Variants in IL6ST observed in about 807,000 individuals in gnomAD.
The protein encoded by IL6ST is interleukin 6 cytokine family signal transducer.
IL6ST carries 24 observed loss-of-function variants against 91.3 expected under a neutral mutation model. The observed-to-expected ratio is 0.26, with a 90% CI of 0.19 to 0.37. The LOEUF is 0.37. IL6ST is among the 10% of genes least tolerant of loss of function. IL6ST has a pLI of 1.00. For missense variants in IL6ST, 914 were observed against 1,078.5 expected (o/e 0.85, Z 2.14); for synonymous variants, 351 against 373.6 (o/e 0.94, Z 0.70).
intron 1 of IL6ST, among the ~76,000 whole-genome samples, chr5:55,986,734 A>C (rs532941211): frequency 6.6e-6 from 1 of 151,994 alleles, no homozygotes; most frequent in African/African-American, 2.4e-5. Context: ...TGGTTGCTTT[A>C]GGTTTATAGT....
chr5:55,947,398 C>G, intron 15 of IL6ST, 95 bp downstream of exon 15: 1 of 722,640 alleles, frequency 1.4e-6, no homozygotes, highest in South Asian at 1.6e-5. Context: ...AAAAATTCAT[C>G]AAACTGTACA....
chr5:55,950,232 C>A (rs1433998595), intron 14 of IL6ST: 1 of 475,860 alleles, frequency 2.1e-6, no homozygotes, highest in Non-Finnish European at 4.2e-6. Flanking sequence ...TTTGAATAGG[C>A]AAGTAAGAAA....
At chr5:55,955,395 T>C (rs10471419) in intron 10 of IL6ST, among the ~76,000 whole-genome samples, 37,058 of 152,072 alleles carry the variant, frequency 0.24, 7,062 homozygotes, top group African/African-American at 0.53. Context: ...AGGCAGAGGC[T>C]GAGATCGTGC....
At chr5:55,942,813 AT>A in intron 15 of IL6ST, 62 bp from the exon 16 acceptor site, 1 of 849,602 alleles carries the variant, frequency 1.2e-6, no homozygotes, top group East Asian at 2.5e-5. Context: ...AATAGTCCCT[AT>A]TTCTAAACAT....
intron 3 of IL6ST, 67 bp downstream of exon 3, chr5:55,976,148 A>G (rs1753275527): frequency 1.6e-5 from 10 of 632,544 alleles, no homozygotes; most frequent in Non-Finnish European, 2.5e-5. Context: ...GCTTAATTAT[A>G]TAATAATATA....
rs151312439 is a variant in IL6ST, at chr5:55,949,943, G to A, written c.1840+1521C>T. On this transcript the variant is annotated intron_variant, in intron 14 of 16. Transcript: ENST00000381298. Reference sequence around the variant, plus strand: ...GCAAGAAAGAATGTTGGTTAAGTTTGCTTTAGGGAAGATACAGAAGAGCCA... The same window carrying A: ...GCAAGAAAGAATGTTGGTTAAGTTTACTTTAGGGAAGATACAGAAGAGCCA... Among the ~76,000 whole-genome samples the A allele has an allele frequency of 2.4e-3, 361 of 152,280 alleles. 1 individual carries two copies. The highest frequency in any genetic ancestry group is 3.1e-3 in the Non-Finnish European group (213 of 68,026).
intron 15 of IL6ST, among the ~76,000 whole-genome samples, chr5:55,943,075 C>T (rs943808564): frequency 6.6e-6 from 1 of 151,838 alleles, no homozygotes; most frequent in African/African-American, 2.4e-5. Flanking sequence ...TTGTGGTATT[C>T]CAATTAAAAG....
At chr5:55,981,375 T>G (rs1354434237) in intron 2 of IL6ST, among the ~76,000 whole-genome samples, 1 of 152,156 alleles carries the variant, frequency 6.6e-6, no homozygotes, top group Non-Finnish European at 1.5e-5. Context: ...CCGGGTGCGG[T>G]GGCTCATGCC....
intron 3 of IL6ST, among the ~76,000 whole-genome samples, chr5:55,972,927 C>A (rs1255520419): frequency 9.2e-5 from 14 of 151,726 alleles, no homozygotes; most frequent in African/African-American, 2.9e-4. Flanking sequence ...ATTGCTTGAA[C>A]CTGGGGGGCA....
intron 8 of IL6ST, 81 bp from the exon 9 acceptor site, chr5:55,957,372 T>C: frequency 1.4e-6 from 1 of 693,740 alleles, no homozygotes; most frequent in Non-Finnish European, 2.4e-6. Flanking sequence ...TTTTACTTTG[T>C]TCTTAATACT....
chr5:55,950,219 G>A (rs772447382), intron 14 of IL6ST: 9 of 482,904 alleles, frequency 1.9e-5, no homozygotes, highest in African/African-American at 1.8e-4. Flanking sequence ...GCCATGGACA[G>A]AGTTTGAATA....
chr5:55,936,294 C>T lies in IL6ST; in HGVS notation c.*4788G>A, dbSNP rs1750520313. 9.7e-6 allele frequency: 2 copies of T among 205,866 alleles called. No homozygotes were observed. Among genetic ancestry groups the T allele is most frequent in the African/African-American group, 2.4e-5 (1 of 42,380 alleles). The allele number at this position is 205,866 out of a possible 1,614,324, so 12.8% of individuals were successfully genotyped here. ...GTGCAGGGTGGGCACAGACAGGCCA[C>T]AAGATGGCGCAGCACCTCCATACTT... On this transcript the variant is annotated 3_prime_UTR_variant, in exon 17 of 17. Transcript: ENST00000381298.
chr5:55,957,543 G>A (rs1027868884), intron 8 of IL6ST, among the ~76,000 whole-genome samples: 10 of 152,094 alleles, frequency 6.6e-5, no homozygotes, highest in African/African-American at 1.9e-4. Flanking sequence ...TGTATTCTGA[G>A]CAACAACTAA....
rs550643626 is a variant in IL6ST at position 55,935,130 on chromosome 5, T to G, written c.*5952A>C. 2 of 177,280 alleles carry G rather than the reference T, an allele frequency of 1.1e-5. No individual in the cohort carries two copies. The highest frequency in any genetic ancestry group is 1.9e-4 in the East Asian group (2 of 10,552). 11.0% of individuals were successfully genotyped at this position (177,280 alleles called of 1,614,324 possible). Reference sequence around the variant, plus strand: ...TTTTTGGCTTTTATTTTTGTGTGTGTGGATTACCACCATATAGCTCACCAT... The same window carrying G: ...TTTTTGGCTTTTATTTTTGTGTGTGGGGATTACCACCATATAGCTCACCAT... On this transcript the variant is annotated 3_prime_UTR_variant, in exon 17 of 17. Coordinates refer to ENST00000381298, the MANE Select transcript of IL6ST (RefSeq NM_002184.4).
chr5:55,977,821 G>A (rs903964775), intron 2 of IL6ST, among the ~76,000 whole-genome samples: 6 of 151,266 alleles, frequency 4.0e-5, no homozygotes, highest in East Asian at 2.0e-4. Context: ...GCGAGACCCC[G>A]ACACACACAG....
chr5:55,960,144 A>T (rs1554025081), intron 8 of IL6ST, among the ~76,000 whole-genome samples: 1 of 152,144 alleles, frequency 6.6e-6, no homozygotes, highest in Non-Finnish European at 1.5e-5. Flanking sequence ...TCGGCCTCCC[A>T]AAGTACTGGG....
chr5:55,975,928 C>A (rs1301853732), intron 3 of IL6ST, among the ~76,000 whole-genome samples: 1 of 150,716 alleles, frequency 6.6e-6, no homozygotes, highest in East Asian at 1.9e-4. Flanking sequence ...CCACACACTT[C>A]TTTCCTTCCC....
chr5:55,990,662 T>C (rs1211313021), intron 1 of IL6ST, among the ~76,000 whole-genome samples: 3 of 152,226 alleles, frequency 2.0e-5, no homozygotes, highest in Non-Finnish European at 2.9e-5. Flanking sequence ...ATTCTGTCTC[T>C]GAGTCTTATC....
chr5:55,969,187 C>CAAA (rs752365260), intron 4 of IL6ST, among the ~76,000 whole-genome samples: 1 of 79,374 alleles, frequency 1.3e-5, no homozygotes, highest in Non-Finnish European at 2.8e-5. Context: ...ACTCTGTCAC[C>CAAA]AAAAAAAAAA....
Sources: allele counts gnomAD v4.1 joint callset (sites outside exome capture counted in the v4.1 genomes callset), GRCh38; gene constraint gnomAD v4.1.1; transcripts MANE v1.5; gene names NCBI Gene and HGNC (gene_info 2026-07-23, HGNC 2026-07-21).